Variants in DACT2 observed in about 807,000 individuals in gnomAD.
The protein encoded by DACT2 is dishevelled binding antagonist of beta catenin 2.
Under a neutral mutation model 22.2 loss-of-function variants are expected in DACT2, and 20 were observed. The ratio of observed to expected loss-of-function variants is 0.90; its 90% CI spans 0.63 to 1.31. The LOEUF (loss-of-function observed/expected upper bound fraction) is 1.31. Ranked by LOEUF, DACT2 falls within the 50% of genes most tolerant of loss-of-function variation. The probability of loss-of-function intolerance (pLI) is 0.00; values close to 1 mark genes in which losing one functional copy is unlikely to be tolerated. For synonymous variants in DACT2, 463 were observed against 479.8 expected (o/e 0.96, Z 0.46); for missense variants, 1,048 against 1,061.4 (o/e 0.99, Z 0.18).
At position 168,307,855 on chromosome 6, in the gene DACT2, G is replaced by C. The variant is rs1190397109; in HGVS notation, c.1902C>G (p.Pro634=). 1.3e-6 allele frequency: 2 copies of C among 1,538,108 alleles called. No homozygotes were observed. Among genetic ancestry groups the C allele is most frequent in the South Asian group, 1.2e-5 (1 of 83,756 alleles). The stretch of plus-strand genomic sequence containing the variant: ...GTGGGCCACCTGCTCTCCTGGCCAC[G>C]GGCCTGGGGGGCCCCAGGTTAGACT... ...CPESNLGPPR[P]VARRAGGPLA... Residue 634 remains proline, a synonymous_variant, in exon 4 of 4, where the codon CCC becomes CCG. Coordinates refer to ENST00000366795, the MANE Select transcript of DACT2 (RefSeq NM_214462.5). The surrounding 1 kb of genome is among the most constrained non-coding windows in gnomAD (Gnocchi z 5.3).
rs948288426 is a variant in DACT2 at position 168,319,459 on chromosome 6, AGGGCGCGGC to A, written c.166_174del (p.Ala56_Pro58del). The A allele has an allele frequency of 1.8e-5, 22 of 1,203,590 alleles. No homozygotes were observed. In the East Asian group the frequency reaches 7.6e-4, roughly 42 times the overall value. 74.6% of individuals were successfully genotyped at this position (1,203,590 alleles called of 1,614,324 possible). On this transcript the variant is annotated inframe_deletion, in exon 1 of 4. Transcript: ENST00000366795. ...GGGCCGTGGAGGCCGTGGGGGCCGCAGGGCGCGGCGGGCGCGGGCGGGGGCTGCAGGGCC... is the reference window on the plus strand; with the variant it reads ...GGGCCGTGGAGGCCGTGGGGGCCGCAGGGCGCGGGCGGGGGCTGCAGGGCC...
chr6:168,313,998 TTGTAACCCCGACCGC>T (rs1562499711), intron 1 of DACT2, among the ~76,000 whole-genome samples: 6 of 93,406 alleles, frequency 6.4e-5, no homozygotes, highest in Non-Finnish European at 1.4e-4. Flanking sequence ...CACGCCGCGC[TTGTAACCCCGACCGC>T]GCTTGTAACC....
Position 168,319,694 on chromosome 6 carries a change from C to T in DACT2, c.-61G>A, listed in dbSNP as rs1779601551. The T allele has an allele frequency of 8.4e-7, 1 of 1,192,796 alleles. No individual in the cohort carries two copies. The highest frequency in any genetic ancestry group is 1.0e-6 in the Non-Finnish European group (1 of 962,054). 73.9% of individuals were successfully genotyped at this position (1,192,796 alleles called of 1,614,324 possible). On this transcript the variant is annotated 5_prime_UTR_variant, in exon 1 of 4. Transcript: ENST00000366795. ...AGCGGCGCCGGAGGCCCAGCGCGCG[C>T]GGATCCCGAGCTGTGTCGCGGGTCC... is the stretch of plus-strand genomic sequence containing the variant.
chr6:168,318,749 G>T (rs1331046345), intron 1 of DACT2, among the ~76,000 whole-genome samples: 2 of 152,124 alleles, frequency 1.3e-5, no homozygotes, highest in Non-Finnish European at 2.9e-5. Context: ...CCGTGGCAGG[G>T]AAATCAGAGT....
At chr6:168,294,170 C>A (rs1408631650) in exon 5 of DACT2, 2 of 702,990 alleles carry the variant, frequency 2.8e-6, no homozygotes, top group Non-Finnish European at 2.6e-6. Context: ...ACAGAGGCCA[C>A]ACTTTCCTCT....
At chr6:168,300,928 G>C (rs1220687445) in intron 3 of DACT2, among the ~76,000 whole-genome samples, 1 of 152,212 alleles carries the variant, frequency 6.6e-6, no homozygotes, top group Non-Finnish European at 1.5e-5. Flanking sequence ...GGAGGTTGCA[G>C]TGAGCTGAGT....
At chr6:168,318,758 GTC>G (rs1392405664) in intron 1 of DACT2, among the ~76,000 whole-genome samples, 1 of 152,086 alleles carries the variant, frequency 6.6e-6, no homozygotes, top group Non-Finnish European at 1.5e-5. Flanking sequence ...GGAAATCAGA[GTC>G]TCTCTCCTCT....
At chr6:168,311,016 A>T in intron 2 of DACT2, 136 bp downstream of exon 2, 1 of 1,167,624 alleles carries the variant, frequency 8.6e-7, no homozygotes, top group Non-Finnish European at 1.1e-6. Context: ...AGCCTGACGA[A>T]GCGGCCATCT....
At chr6:168,294,260 T>C in intron 4 of DACT2, 1 of 702,650 alleles carries the variant, frequency 1.4e-6, no homozygotes, top group Non-Finnish European at 2.6e-6. Context: ...CTGTCACATC[T>C]GTCCCCGAAT....
At chr6:168,315,213 C>T (rs745801116) in intron 1 of DACT2, among the ~76,000 whole-genome samples, 13 of 152,220 alleles carry the variant, frequency 8.5e-5, no homozygotes, top group Non-Finnish European at 1.8e-4. Flanking sequence ...TCACTGCAGA[C>T]TCCCGGAGCC....
intron 4 of DACT2, among the ~76,000 whole-genome samples, chr6:168,294,461 C>T (rs964552491): frequency 6.8e-6 from 1 of 146,680 alleles, no homozygotes; most frequent in Admixed American, 6.8e-5. Flanking sequence ...TGATGCTATC[C>T]CTCCCCGCTC....
exon 6 of DACT2, chr6:168,293,596 C>T (rs1412295427): frequency 2.6e-6 from 1 of 385,686 alleles, no homozygotes; most frequent in African/African-American, 2.0e-5. Flanking sequence ...GCTAGAAAAA[C>T]ACACAGAAAG....
At chr6:168,296,679 A>G (rs1779014794) in intron 3 of DACT2, among the ~76,000 whole-genome samples, 1 of 152,282 alleles carries the variant, frequency 6.6e-6, no homozygotes, top group African/African-American at 2.4e-5. Flanking sequence ...ACCTCCAGGC[A>G]AAAGGCAAAG....
chr6:168,305,501 AG>A (rs1185037458), downstream of DACT2, among the ~76,000 whole-genome samples: 2 of 152,250 alleles, frequency 1.3e-5, no homozygotes, highest in African/African-American at 4.8e-5. Context: ...GAGGATGAAC[AG>A]GAAGTTTGCA....
chr6:168,306,813 C>T (rs1375042349), downstream of DACT2: 9 of 907,774 alleles, frequency 9.9e-6, no homozygotes, highest in South Asian at 5.1e-5. Flanking sequence ...ATGCCTTCCC[C>T]GCCCAAAGCT....
chr6:168,301,880 G>A (rs1372281526), intron 3 of DACT2, among the ~76,000 whole-genome samples: 5 of 152,226 alleles, frequency 3.3e-5, no homozygotes, highest in Admixed American at 3.3e-4. Flanking sequence ...GGAGCTATGG[G>A]ATGACCCACA....
At chr6:168,294,688 T>C (rs1330151410) in exon 4 of DACT2, 16 of 1,501,566 alleles carry the variant, frequency 1.1e-5, no homozygotes, top group South Asian at 2.6e-5. Flanking sequence ...CAAGTTCACC[T>C]GGAGCATTGC....
At position 168,308,713 on chromosome 6, in the gene DACT2, C is replaced by A. The variant is rs767045985; in HGVS notation, c.1044G>T (p.Lys348Asn). 1.3e-6 allele frequency: 2 copies of A among 1,549,628 alleles called. No individual in the cohort carries two copies. The highest frequency in any genetic ancestry group is 1.4e-5 in the African/African-American group (1 of 73,038). The change falls in exon 4 of 4, where the codon AAG becomes AAT. Residue 348 changes from lysine to asparagine, a missense_variant. Transcript: ENST00000366795. ...GAGGTCCCTGTTCTCCCTCGCTACC[C>A]TTTGCTGGGGTCTCCCGGCCCCACA... ...LHLWGRETPA[K>N]GSEGEQGPLR...
At chr6:168,293,937 G>C (rs1310461925) in exon 6 of DACT2, 4 of 703,334 alleles carry the variant, frequency 5.7e-6, no homozygotes, top group South Asian at 3.0e-5. Context: ...CTTTGAACTT[G>C]TGTTCTGTAA....
Sources: allele counts gnomAD v4.1 joint callset (sites outside exome capture counted in the v4.1 genomes callset), GRCh38; gene constraint gnomAD v4.1.1; non-coding constraint Gnocchi (gnomAD v3.1); transcripts MANE v1.5; gene names NCBI Gene and HGNC (gene_info 2026-07-23, HGNC 2026-07-21).